ADAMTSL3: variants seen among roughly 807,000 people sequenced by gnomAD.
The protein encoded by ADAMTSL3 is ADAMTS like 3.
In ADAMTSL3, 128 loss-of-function variants were observed where a neutral mutation model predicts 201.7. The observed-to-expected ratio is 0.63, with a 90% confidence interval of 0.55 to 0.73. The LOEUF is 0.73. Ranked by LOEUF, ADAMTSL3 falls within the 30% of genes least tolerant of loss-of-function variation. ADAMTSL3 has a pLI of 0.00. For synonymous variants in ADAMTSL3, 738 were observed against 748.4 expected (o/e 0.99, Z 0.23); for missense variants, 1,990 against 2,119.6 (o/e 0.94, Z 1.20).
chr15:83,940,891 A>G (rs1346925634), intron 17 of ADAMTSL3, among the ~76,000 whole-genome samples: 2 of 152,096 alleles, frequency 1.3e-5, no homozygotes, highest in Non-Finnish European at 2.9e-5. Context: ...GAAAATTTGT[A>G]GGACTTGACC....
intron 5 of ADAMTSL3, among the ~76,000 whole-genome samples, chr15:83,808,115 A>G (rs2063630300): frequency 6.6e-6 from 1 of 152,200 alleles, no homozygotes; most frequent in South Asian, 2.1e-4. Context: ...CACAGACAAT[A>G]AAAGCAAAAA....
chr15:83,950,148 T>G (rs1289753878), intron 19 of ADAMTSL3, among the ~76,000 whole-genome samples: 1 of 152,172 alleles, frequency 6.6e-6, no homozygotes, highest in East Asian at 1.9e-4. Flanking sequence ...GGTCTTAAAC[T>G]TAAGGCTTTA....
chr15:83,766,778 A>T (rs2062898779), intron 3 of ADAMTSL3, among the ~76,000 whole-genome samples: 1 of 152,230 alleles, frequency 6.6e-6, no homozygotes, highest in South Asian at 2.1e-4. Flanking sequence ...AAAATTATAC[A>T]CGTTCATTGT....
chr15:83,982,879 T>G lies in ADAMTSL3; in HGVS notation c.3251T>G (p.Val1084Gly), dbSNP rs1298078500. 6.2e-7 allele frequency: 1 copy of G among 1,614,042 alleles called. No homozygotes were observed. The highest frequency in any genetic ancestry group is 1.7e-5 in the Admixed American group (1 of 60,020). The stretch of plus-strand genomic sequence containing the variant: ...AAGAATAAGCAGTTTGAAGCAGCAG[T>G]TAAACAAGGAGCATATAGCATGGAT... Reference protein sequence around the residue: ...ELKNKQFEAAVKQGAYSMDTA... With the variant: ...ELKNKQFEAAGKQGAYSMDTA... Residue 1084 changes from valine to glycine, a missense_variant, in exon 21 of 30, where the codon GTT becomes GGT. Physicochemically the swap from Val to Gly is moderately radical, Grantham distance 109. Coordinates refer to ENST00000286744, the MANE Select transcript of ADAMTSL3 (RefSeq NM_207517.3).
chr15:83,893,439 C>A (rs2065550051), intron 13 of ADAMTSL3, among the ~76,000 whole-genome samples: 1 of 152,098 alleles, frequency 6.6e-6, no homozygotes, highest in African/African-American at 2.4e-5. Context: ...ATACTAAGAA[C>A]TGGAAGATTA....
chr15:83,876,312 T>C (rs545537216), intron 9 of ADAMTSL3, among the ~76,000 whole-genome samples: 1 of 152,242 alleles, frequency 6.6e-6, no homozygotes, highest in South Asian at 2.1e-4. Context: ...GTTTTGTTCG[T>C]TAACTCAGAG....
At chr15:83,675,209 T>C (rs1156465429) in intron 2 of ADAMTSL3, among the ~76,000 whole-genome samples, 2 of 152,072 alleles carry the variant, frequency 1.3e-5, no homozygotes, top group Admixed American at 1.3e-4. Context: ...CAACCAATAC[T>C]ATGTGCTGCC....
Position 84,036,754 on chromosome 15 carries a change from G to T in ADAMTSL3, c.4755-19G>T, listed in dbSNP as rs1475143149. ...CTCCTATTTTTTGTTTTTCCGTTTT[G>T]TTTTATTTTTCACTTCAGACCCACC... On this transcript the variant is annotated intron_variant, in intron 28 of 29. Coordinates refer to ENST00000286744, the MANE Select transcript of ADAMTSL3 (RefSeq NM_207517.3). The T allele has an allele frequency of 1.3e-6, 2 of 1,586,086 alleles. No homozygotes were observed. Among genetic ancestry groups the T allele is most frequent in the Admixed American group, 1.9e-5 (1 of 53,880 alleles).
intron 9 of ADAMTSL3, among the ~76,000 whole-genome samples, chr15:83,878,206 C>T (rs2065211380): frequency 1.3e-5 from 2 of 152,194 alleles, no homozygotes; most frequent in Admixed American, 1.3e-4. Context: ...GAGATGATCA[C>T]ATGGTTTTCT....
intron 4 of ADAMTSL3, among the ~76,000 whole-genome samples, chr15:83,785,131 A>G (rs6602992): frequency 0.39 from 59,386 of 151,944 alleles, 12,540 homozygotes; most frequent in South Asian, 0.63. Context: ...GTGCATATGA[A>G]TCACCTAGGC....
chr15:84,010,658 A>G (rs1327984334), intron 23 of ADAMTSL3, among the ~76,000 whole-genome samples: 1 of 152,234 alleles, frequency 6.6e-6, no homozygotes, highest in Non-Finnish European at 1.5e-5. Context: ...TAGATGGATG[A>G]ATGAATGAAT....
At chr15:83,916,333 T>A (rs2066032009) in intron 16 of ADAMTSL3, among the ~76,000 whole-genome samples, 1 of 152,154 alleles carries the variant, frequency 6.6e-6, no homozygotes, top group Non-Finnish European at 1.5e-5. Context: ...TGTAATAATA[T>A]TATTGAAATG....
In ADAMTSL3 at chr15:83,942,578, A is replaced by C; in HGVS notation, c.2118-18A>C. ...TTTATTGGACTGTTCAACTTTCCCC[A>C]CTTGTTTTCTGTTTTAGGTGGCATG... On this transcript the variant is annotated intron_variant, in intron 17 of 29. Transcript: ENST00000286744. The C allele has an allele frequency of 1.9e-6, 3 of 1,604,498 alleles. No individual in the cohort carries two copies. The highest frequency in any genetic ancestry group is 1.3e-5 in the African/African-American group (1 of 74,734).
At chr15:83,693,181 A>C (rs867809319) in intron 2 of ADAMTSL3, among the ~76,000 whole-genome samples, 4 of 152,150 alleles carry the variant, frequency 2.6e-5, no homozygotes, top group African/African-American at 9.7e-5. Flanking sequence ...GGCAACAAGA[A>C]CGTCATGTCT....
chr15:83,939,991 A>T (rs1203519626), intron 17 of ADAMTSL3, among the ~76,000 whole-genome samples: 3 of 152,054 alleles, frequency 2.0e-5, no homozygotes, highest in African/African-American at 7.2e-5. Flanking sequence ...CCTTTCTTCT[A>T]CTTTTTTTGG....
At chr15:83,850,652 C>T (rs1309065462) in intron 7 of ADAMTSL3, among the ~76,000 whole-genome samples, 1 of 152,114 alleles carries the variant, frequency 6.6e-6, no homozygotes, top group East Asian at 1.9e-4. Context: ...ATGTATTCCT[C>T]AGATCACAGC....
chr15:83,921,720 C>G (rs72748627), intron 16 of ADAMTSL3, among the ~76,000 whole-genome samples: 1 of 152,054 alleles, frequency 6.6e-6, no homozygotes, highest in African/African-American at 2.4e-5. Context: ...GAGTCTTTCT[C>G]TGTGCCCAGG....
chr15:83,960,174 C>A (rs569275849), intron 19 of ADAMTSL3, among the ~76,000 whole-genome samples: 7 of 152,240 alleles, frequency 4.6e-5, no homozygotes, highest in Admixed American at 2.0e-4. Context: ...ATAATTAGGG[C>A]TTTCTGTTAA....
At chr15:83,922,561 A>G (rs2066167058) in intron 16 of ADAMTSL3, among the ~76,000 whole-genome samples, 1 of 152,242 alleles carries the variant, frequency 6.6e-6, no homozygotes, top group Non-Finnish European at 1.5e-5. Flanking sequence ...ATTTGCAAAT[A>G]AAACCTAGAG....
Sources: gnomAD v4.1 joint callset for allele counts (sites outside exome capture counted in the v4.1 genomes callset) on GRCh38, gnomAD v4.1.1 for gene constraint, MANE v1.5 for transcripts, NCBI Gene and HGNC (gene_info 2026-07-23, HGNC 2026-07-21) for gene names.